The following NPNT variants were observed in gnomAD, a reference collection of about 807,000 sequenced individuals.
NPNT encodes the protein preosteoblast EGF-like repeat protein with MAM domain.
A neutral mutation model predicts 68.6 loss-of-function variants in NPNT; 45 were observed. The observed-to-expected ratio is 0.66, with a 90% CI of 0.52 to 0.84. The LOEUF is 0.84. Ranked by LOEUF, NPNT falls within the 40% of genes least tolerant of loss-of-function variation. The pLI is 0.00. For missense variants in NPNT, 672 were observed against 714.8 expected (o/e 0.94, Z 0.68); for synonymous variants, 233 against 253.3 (o/e 0.92, Z 0.76).
chr4:105,958,432 C>T, intron 8 of NPNT, 39 bp from the exon 9 acceptor site: 1 of 1,218,346 alleles, frequency 8.2e-7, no homozygotes, highest in Non-Finnish European at 1.2e-6. Context: ...ATACTTCACA[C>T]ACACACACAC....
At chr4:105,966,442 ATT>A (rs1427121469) in intron 10 of NPNT, among the ~76,000 whole-genome samples, 1 of 152,138 alleles carries the variant, frequency 6.6e-6, no homozygotes, top group African/African-American at 2.4e-5. Flanking sequence ...TTTTATTAAT[ATT>A]TGTGTTCATG....
intron 10 of NPNT, among the ~76,000 whole-genome samples, chr4:105,963,871 C>G (rs994605361): frequency 6.6e-6 from 1 of 151,888 alleles, no homozygotes. Flanking sequence ...TCTACCATCC[C>G]TGACTCCCAT....
rs1731468289 is a variant in NPNT, at chr4:105,959,019, T to A, written c.1247-9T>A. The A allele has an allele frequency of 1.9e-6, 3 of 1,565,304 alleles. No homozygotes were observed. Among genetic ancestry groups the A allele is most frequent in the Non-Finnish European group, 2.6e-6 (3 of 1,135,740 alleles). Reference sequence around the variant, plus strand: ...TGATCCACTCATCTTTCTGATTATTTCCTTGTAGGTGTTCTGGTACACAGT... The same window carrying A: ...TGATCCACTCATCTTTCTGATTATTACCTTGTAGGTGTTCTGGTACACAGT... On this transcript the variant is annotated splice_polypyrimidine_tract_variant and intron_variant, in intron 9 of 11. Coordinates refer to ENST00000379987, the MANE Select transcript of NPNT (RefSeq NM_001033047.3).
chr4:105,940,349 C>A, intron 6 of NPNT, 140 bp downstream of exon 6: 1 of 1,031,162 alleles, frequency 9.7e-7, no homozygotes, highest in South Asian at 1.5e-5. Context: ...AGTTTAACCA[C>A]TGGTAGTTCT....
At chr4:105,962,387 C>G (rs182321057) in intron 10 of NPNT, among the ~76,000 whole-genome samples, 2 of 152,164 alleles carry the variant, frequency 1.3e-5, no homozygotes, top group African/African-American at 4.8e-5. Flanking sequence ...GAGTTGTTCT[C>G]TGTGACCGAA....
chr4:105,928,754 T>A (rs908913531), intron 3 of NPNT, among the ~76,000 whole-genome samples: 7 of 143,716 alleles, frequency 4.9e-5, no homozygotes, highest in Non-Finnish European at 9.1e-5. Flanking sequence ...TTATACTCCC[T>A]ATCATCTTAA....
In NPNT at chr4:105,898,367, TC is replaced by T. The variant is rs1560882006; in HGVS notation, c.172+367del. Among the ~76,000 whole-genome samples the T allele has an allele frequency of 1.4e-3, 177 of 129,594 alleles. 1 individual carries two copies. Among genetic ancestry groups the T allele is most frequent in the African/African-American group, 5.9e-3 (161 of 27,470 alleles). 85.0% of individuals were successfully genotyped at this position (129,594 alleles called of 152,430 possible). ...CTCTCTCTCTCTCTCTCTCTCTCTCTCTCTCTCTCTCTCGCTGACTCGCTTG... is the reference window on the plus strand; with the variant it reads ...CTCTCTCTCTCTCTCTCTCTCTCTCTTCTCTCTCTCTCGCTGACTCGCTTG... On this transcript the variant is annotated intron_variant, in intron 2 of 11. Coordinates refer to ENST00000379987, the MANE Select transcript of NPNT (RefSeq NM_001033047.3).
chr4:105,968,921 T>C lies in NPNT; in HGVS notation c.1629T>C (p.Arg543=). 2 of 1,612,734 alleles carry C rather than the reference T, an allele frequency of 1.2e-6. No homozygotes were observed. The highest frequency in any genetic ancestry group is 1.7e-6 in the Non-Finnish European group (2 of 1,178,898). Residue 543 remains arginine, a synonymous_variant, in exon 12 of 12, where the codon CGT becomes CGC. Transcript: ENST00000379987. The part of the protein sequence containing the change: ...KSVVFKGEKR[R]GHTGEIGLDD... ...TCGTCTTCAAAGGTGAAAAAAGGCG[T>C]GGTCACACTGGGGAGATTGGATTAG...
chr4:105,956,152 CTG>C (rs10547496), intron 8 of NPNT, among the ~76,000 whole-genome samples: 72,316 of 151,748 alleles, frequency 0.48, 20,586 homozygotes, highest in East Asian at 0.82. Context: ...CATCTTCTAA[CTG>C]TATGATCTAA....
rs1560881991 is a variant in NPNT at position 105,898,365 on chromosome 4, TC to T, written c.172+365del. Among the ~76,000 whole-genome samples, 340 of 142,988 alleles carry T rather than the reference TC, an allele frequency of 2.4e-3. 3 individuals are homozygous for T. The highest frequency in any genetic ancestry group is 7.9e-3 in the African/African-American group (271 of 34,454). The allele number at this position is 142,988 out of a possible 152,430, so 93.8% of individuals were successfully genotyped here. On this transcript the variant is annotated intron_variant, in intron 2 of 11. Coordinates refer to ENST00000379987, the MANE Select transcript of NPNT (RefSeq NM_001033047.3). ...CTCTCTCTCTCTCTCTCTCTCTCTC[TC>T]TCTCTCTCTCTCTCGCTGACTCGCT...
At position 105,942,245 on chromosome 4, in the gene NPNT, G is replaced by A. The variant is rs571001179; in HGVS notation, c.764-62G>A. 425 of 1,313,454 alleles carry A rather than the reference G, an allele frequency of 3.2e-4. 1 individual carries two copies. The African/African-American group carries it at 5.8e-3, about 18-fold the overall frequency. 81.4% of individuals were successfully genotyped at this position (1,313,454 alleles called of 1,614,324 possible). Reference sequence around the variant, plus strand: ...ATTAGATGTTTTTATGTCTGTCAGTGTAATGCTTCACTTTTTAGGGAGGAA... The same window carrying A: ...ATTAGATGTTTTTATGTCTGTCAGTATAATGCTTCACTTTTTAGGGAGGAA... On this transcript the variant is annotated intron_variant, in intron 7 of 11. Coordinates refer to ENST00000379987, the MANE Select transcript of NPNT (RefSeq NM_001033047.3).
chr4:105,959,020 C>T lies in NPNT; in HGVS notation c.1247-8C>T, dbSNP rs1440672095. ...GATCCACTCATCTTTCTGATTATTT[C>T]CTTGTAGGTGTTCTGGTACACAGTT... On this transcript the variant is annotated splice_region_variant and splice_polypyrimidine_tract_variant and intron_variant, in intron 9 of 11. Coordinates refer to ENST00000379987, the MANE Select transcript of NPNT (RefSeq NM_001033047.3). 7 of 1,566,788 alleles carry T rather than the reference C, an allele frequency of 4.5e-6. No homozygotes were observed. Among genetic ancestry groups the T allele is most frequent in the South Asian group, 1.1e-5 (1 of 90,040 alleles).
intron 8 of NPNT, among the ~76,000 whole-genome samples, chr4:105,956,485 C>T (rs539197899): frequency 2.2e-4 from 33 of 152,000 alleles, no homozygotes; most frequent in African/African-American, 7.0e-4. Flanking sequence ...AAAAAAAAGA[C>T]GGAGGGGAGC....
At chr4:105,928,229 T>G (rs1422066971) in intron 3 of NPNT, among the ~76,000 whole-genome samples, 3 of 152,170 alleles carry the variant, frequency 2.0e-5, no homozygotes, top group Non-Finnish European at 2.9e-5. Flanking sequence ...TATACTAGTT[T>G]TGGATAAAAA....
At chr4:105,913,984 A>G (rs1727587686) in intron 2 of NPNT, among the ~76,000 whole-genome samples, 3 of 152,142 alleles carry the variant, frequency 2.0e-5, no homozygotes, top group African/African-American at 7.2e-5. Flanking sequence ...AGAGGTAAAG[A>G]GCTAAGTTAG....
intron 10 of NPNT, among the ~76,000 whole-genome samples, chr4:105,965,013 C>G (rs1000322861): frequency 4.6e-5 from 7 of 152,046 alleles, no homozygotes; most frequent in African/African-American, 1.7e-4. Context: ...AAGAAAAGTT[C>G]AGAAGTCAAA....
intron 2 of NPNT, among the ~76,000 whole-genome samples, chr4:105,900,889 A>T (rs1042598138): frequency 7.0e-6 from 1 of 143,098 alleles, no homozygotes; most frequent in African/African-American, 2.6e-5. Context: ...TCTTAAACAG[A>T]TCTCTAGCAT....
intron 2 of NPNT, among the ~76,000 whole-genome samples, chr4:105,918,347 T>A (rs1727982922): frequency 6.6e-6 from 1 of 152,206 alleles, no homozygotes; most frequent in Non-Finnish European, 1.5e-5. Flanking sequence ...TGATGATGGT[T>A]ACATTAAAAT....
intron 8 of NPNT, among the ~76,000 whole-genome samples, chr4:105,943,016 A>G (rs1730111048): frequency 6.6e-6 from 1 of 152,252 alleles, no homozygotes; most frequent in Admixed American, 6.5e-5. Context: ...ACTGTATTCC[A>G]TGCTATGTTA....
Sources: gnomAD v4.1 joint callset for allele counts (sites outside exome capture counted in the v4.1 genomes callset) on GRCh38, gnomAD v4.1.1 for gene constraint, MANE v1.5 for transcripts, NCBI Gene and HGNC (gene_info 2026-07-23, HGNC 2026-07-21) for gene names.